The following PCDHA7 variants were observed in gnomAD, a reference collection of about 807,000 sequenced individuals.
PCDHA7 encodes protocadherin alpha 7.
In PCDHA7, 37 loss-of-function variants were observed where a neutral mutation model predicts 57.2. The observed-to-expected ratio is 0.65, with a 90% confidence interval of 0.50 to 0.85. The LOEUF (loss-of-function observed/expected upper bound fraction) is 0.85, where lower values mean the gene tolerates loss of function less well. PCDHA7 is among the 40% of genes least tolerant of loss of function. The probability of loss-of-function intolerance (pLI) is 0.00; values close to 1 mark genes in which losing one functional copy is unlikely to be tolerated. For missense variants in PCDHA7, 1,188 were observed against 1,241.8 expected (o/e 0.96, Z 0.65); for synonymous variants, 553 against 558.8 (o/e 0.99, Z 0.15).
At chr5:140,871,595 C>A in intron 1 of PCDHA7, 1 of 1,454,324 alleles carries the variant, frequency 6.9e-7, no homozygotes, top group South Asian at 1.5e-5. Context: ...TTATGAATAA[C>A]CAGTGTTTTG....
intron 1 of PCDHA7, among the ~76,000 whole-genome samples, chr5:140,880,028 G>A (rs577776398): frequency 1.2e-4 from 19 of 152,308 alleles, no homozygotes; most frequent in African/African-American, 4.6e-4. Flanking sequence ...AAATCCACAA[G>A]TTCCAGGGAT....
intron 1 of PCDHA7, chr5:140,857,704 G>A: frequency 6.3e-7 from 1 of 1,597,424 alleles, no homozygotes; most frequent in Non-Finnish European, 8.6e-7. Flanking sequence ...CGCTGCAGGT[G>A]TTCGTGCTGG....
intron 1 of PCDHA7, chr5:140,864,039 A>G (rs1287126881): frequency 6.5e-6 from 1 of 152,908 alleles, no homozygotes; most frequent in Non-Finnish European, 1.5e-5. Context: ...CATCTTAATC[A>G]CTTTTTACTA....
In PCDHA7 at chr5:140,836,250, C is replaced by T. The variant is rs1554135772; in HGVS notation, c.1867C>T (p.Arg623Cys). 18 of 1,613,676 alleles carry T rather than the reference C, an allele frequency of 1.1e-5. No individual in the cohort carries two copies. Among genetic ancestry groups the T allele is most frequent in the Non-Finnish European group, 1.4e-5 (16 of 1,179,820 alleles). ...GGCGGCCGGTGCGAGCATCCCGTTC[C>T]GCGTGGGGCTGTACACTGGTGAGAT... The part of the protein sequence containing the change: ...PVAAGASIPF[R>C]VGLYTGEIST... The change falls in exon 1 of 4, where the codon CGC becomes TGC. Residue 623 changes from arginine to cysteine, a missense_variant. Around this residue, in one of 3 missense-constraint regions of PCDHA7, gnomAD observed 892 missense variants for 788.5 expected, o/e 1.13. Coordinates refer to ENST00000525929, the MANE Select transcript of PCDHA7 (RefSeq NM_018910.3).
intron 1 of PCDHA7, among the ~76,000 whole-genome samples, chr5:140,965,427 G>A (rs1336088571): frequency 6.6e-6 from 1 of 152,104 alleles, no homozygotes; most frequent in Non-Finnish European, 1.5e-5. Flanking sequence ...AAGATAAGCT[G>A]CAGTCATTGA....
At chr5:140,966,670 G>C in intron 1 of PCDHA7, 1 of 1,283,064 alleles carries the variant, frequency 7.8e-7, no homozygotes, top group Non-Finnish European at 1.0e-6. Flanking sequence ...AGCAGGCGCA[G>C]GGTGGCACGA....
At chr5:140,910,451 G>A (rs2075030507) in intron 1 of PCDHA7, among the ~76,000 whole-genome samples, 1 of 152,190 alleles carries the variant, frequency 6.6e-6, no homozygotes. Flanking sequence ...GTAGTTGAGT[G>A]ACTGTGGTTC....
chr5:140,876,204 GC>G, intron 1 of PCDHA7: 1 of 1,613,934 alleles, frequency 6.2e-7, no homozygotes. Context: ...CGTTTGATAA[GC>G]CCAGCTATAA....
At chr5:140,948,269 A>G (rs1339240276) in intron 1 of PCDHA7, among the ~76,000 whole-genome samples, 1 of 151,602 alleles carries the variant, frequency 6.6e-6, no homozygotes, top group Non-Finnish European at 1.5e-5. Flanking sequence ...GTTCATGTAG[A>G]ATATCTGTAA....
intron 1 of PCDHA7, among the ~76,000 whole-genome samples, chr5:140,960,813 A>C (rs1356756058): frequency 6.6e-6 from 1 of 152,202 alleles, no homozygotes; most frequent in Non-Finnish European, 1.5e-5. Context: ...AGAGGTCCCA[A>C]GTGATGAATG....
chr5:140,960,467 C>A (rs1554224775), intron 1 of PCDHA7, among the ~76,000 whole-genome samples: 1 of 152,010 alleles, frequency 6.6e-6, no homozygotes, highest in Non-Finnish European at 1.5e-5. Context: ...GAGAAGTAAT[C>A]CTTCTTACAC....
At chr5:140,911,744 C>T (rs758009837) in intron 1 of PCDHA7, among the ~76,000 whole-genome samples, 2 of 151,280 alleles carry the variant, frequency 1.3e-5, no homozygotes, top group Non-Finnish European at 2.9e-5. Flanking sequence ...CAAGGACTAT[C>T]AGTGTTCTCC....
intron 1 of PCDHA7, chr5:140,864,420 G>A (rs1430010861): frequency 5.3e-5 from 8 of 152,158 alleles, no homozygotes; most frequent in African/African-American, 1.4e-4. Flanking sequence ...AGGCAGCTTC[G>A]TCCACAAACA....
intron 1 of PCDHA7, among the ~76,000 whole-genome samples, chr5:140,976,855 G>A (rs946538789): frequency 9.9e-5 from 15 of 152,142 alleles, no homozygotes; most frequent in Non-Finnish European, 1.5e-4. Flanking sequence ...CTTTCATAGA[G>A]TTTACTGTCT....
At chr5:141,009,551 C>G (rs551736337) in intron 3 of PCDHA7, 76 bp from the exon 4 acceptor site, 1 of 1,561,992 alleles carries the variant, frequency 6.4e-7, no homozygotes, top group East Asian at 2.2e-5. Flanking sequence ...ATGCAGTACT[C>G]CTGTACTCTA....
chr5:140,849,974 G>C lies in PCDHA7; in HGVS notation c.2355+13236G>C, dbSNP rs190398483. The C allele has an allele frequency of 8.8e-6, 14 of 1,597,556 alleles. 2 individuals are homozygous for C. In the South Asian group the frequency reaches 1.4e-4, roughly 16 times the overall value. ...AGGAGAACGCCCTGGTGTCCTACTC[G>C]CTGGTGGAGCGGCGGTTGGGCGAGC... is the stretch of plus-strand genomic sequence containing the variant. On this transcript the variant is annotated intron_variant, in intron 1 of 3. Transcript: ENST00000525929.
At chr5:140,963,146 T>C (rs1230280019) in intron 1 of PCDHA7, among the ~76,000 whole-genome samples, 2 of 152,074 alleles carry the variant, frequency 1.3e-5, no homozygotes, top group African/African-American at 4.8e-5. Flanking sequence ...TTTGGATGAA[T>C]TTAAAAATGA....
chr5:140,918,572 G>T (rs2153549346), intron 1 of PCDHA7, among the ~76,000 whole-genome samples: 1 of 152,264 alleles, frequency 6.6e-6, no homozygotes, highest in Middle Eastern at 3.4e-3. Context: ...ATATTATGCT[G>T]CTATTGGCTA....
At chr5:140,891,855 C>T (rs1282802499) in intron 1 of PCDHA7, among the ~76,000 whole-genome samples, 1 of 152,156 alleles carries the variant, frequency 6.6e-6, no homozygotes, top group Admixed American at 6.6e-5. Flanking sequence ...GAGCCTGTCC[C>T]TCTCTTATGC....
Sources: gnomAD v4.1 joint callset for allele counts (sites outside exome capture counted in the v4.1 genomes callset) on GRCh38, gnomAD v4.1.1 for gene constraint, gnomAD v4.1.1 regional missense constraint, MANE v1.5 for transcripts, NCBI Gene and HGNC (gene_info 2026-07-23, HGNC 2026-07-21) for gene names.